DISC1: variants seen among roughly 807,000 people sequenced by gnomAD.
The protein encoded by DISC1 is disrupted in schizophrenia 1 protein.
DISC1 carries 57 observed loss-of-function variants against 84.5 expected under a neutral mutation model. That is an observed-to-expected ratio of 0.67 (90% CI 0.55 to 0.84). The LOEUF is 0.84. Among genes scored for constraint, DISC1 ranks in the 40% least tolerant of loss-of-function variants. The pLI is 0.00. For synonymous variants in DISC1, 411 were observed against 415.2 expected (o/e 0.99, Z 0.12); for missense variants, 1,000 against 1,057.8 (o/e 0.95, Z 0.76).
chr1:231,893,810 C>G (rs1247106230), intron 9 of DISC1, among the ~76,000 whole-genome samples: 1 of 152,204 alleles, frequency 6.6e-6, no homozygotes, highest in East Asian at 1.9e-4. Flanking sequence ...GACGCTTACT[C>G]TGCCTGTACT....
intron 10 of DISC1, among the ~76,000 whole-genome samples, chr1:232,003,471 A>C (rs1666966214): frequency 6.6e-6 from 1 of 152,140 alleles, no homozygotes. Context: ...TCATAAAACA[A>C]CCAATAAAAC....
intron 3 of DISC1, among the ~76,000 whole-genome samples, chr1:231,725,715 A>G (rs2070565375): frequency 6.6e-6 from 1 of 152,174 alleles, no homozygotes; most frequent in Non-Finnish European, 1.5e-5. Context: ...GATAAGCCCC[A>G]GTTTGGGGGC....
chr1:231,729,439 A>C (rs1254932970), intron 3 of DISC1, among the ~76,000 whole-genome samples: 2 of 152,218 alleles, frequency 1.3e-5, no homozygotes, highest in African/African-American at 4.8e-5. Context: ...AGTCCAGTAC[A>C]TACACAGGTT....
chr1:231,895,705 T>C (rs79790350), intron 9 of DISC1, among the ~76,000 whole-genome samples: 208 of 152,276 alleles, frequency 1.4e-3, no homozygotes, highest in African/African-American at 4.7e-3. Context: ...TTCTTCATAC[T>C]ATCTTTCCCC....
Position 231,694,422 on chromosome 1 carries a change from G to GA in DISC1, c.666dup (p.Arg223ThrfsTer14). On this transcript the variant is annotated frameshift_variant, in exon 2 of 13. Coordinates refer to ENST00000439617, the MANE Select transcript of DISC1 (RefSeq NM_018662.3). LOFTEE classifies it high-confidence loss of function. ...TCGGCTCTCGCTTGGCTCTGCCGGG[G>GA]AACGTGGAGAAGCAGAAGGCTGCCC... The GA allele has an allele frequency of 6.2e-7, 1 of 1,614,260 alleles. No homozygotes were observed. The highest frequency in any genetic ancestry group is 1.6e-4 in the Middle Eastern group (1 of 6,062).
chr1:231,938,487 G>A (rs1186818820), intron 9 of DISC1, among the ~76,000 whole-genome samples: 4 of 152,152 alleles, frequency 2.6e-5, no homozygotes, highest in Non-Finnish European at 4.4e-5. Context: ...TAGGGCCACA[G>A]GAAACTGGAT....
chr1:231,712,665 A>T (rs1019814313), intron 3 of DISC1, among the ~76,000 whole-genome samples: 2 of 152,238 alleles, frequency 1.3e-5, no homozygotes, highest in African/African-American at 4.8e-5. Flanking sequence ...GGACTAGAGA[A>T]GACCTTACTT....
chr1:231,665,805 T>C (rs1337705080), intron 1 of DISC1, among the ~76,000 whole-genome samples: 1 of 152,172 alleles, frequency 6.6e-6, no homozygotes, highest in Non-Finnish European at 1.5e-5. Context: ...AACTGTACAA[T>C]AGGTTTTCTG....
At chr1:231,720,371 G>A (rs897991640) in intron 3 of DISC1, among the ~76,000 whole-genome samples, 2 of 151,764 alleles carry the variant, frequency 1.3e-5, no homozygotes, top group African/African-American at 4.8e-5. Flanking sequence ...ACAGGGTCTC[G>A]CTTTGTTGTC....
chr1:231,653,744 C>G (rs1340444612), intron 1 of DISC1, among the ~76,000 whole-genome samples: 3 of 152,198 alleles, frequency 2.0e-5, no homozygotes, highest in Non-Finnish European at 4.4e-5. Flanking sequence ...CTTGCTTAGT[C>G]ACTGTTCAGG....
intron 9 of DISC1, among the ~76,000 whole-genome samples, chr1:231,864,547 C>G (rs965992421): frequency 1.3e-5 from 2 of 152,172 alleles, no homozygotes; most frequent in East Asian, 1.9e-4. Flanking sequence ...CCTGTAATCC[C>G]AGCTACGCAG....
chr1:231,812,751 G>A (rs35186560), intron 8 of DISC1, among the ~76,000 whole-genome samples: 2,903 of 152,188 alleles, frequency 0.019, 44 homozygotes, highest in Non-Finnish European at 0.031. Context: ...ATCTCTGATG[G>A]GACTTTCTTC....
intron 3 of DISC1, among the ~76,000 whole-genome samples, chr1:231,742,325 A>G (rs796615007): frequency 6.6e-6 from 1 of 152,184 alleles, no homozygotes; most frequent in Non-Finnish European, 1.5e-5. Flanking sequence ...CCTTATGCTA[A>G]CCAGAGGTGG....
chr1:231,682,092 A>C (rs981451264), intron 1 of DISC1, among the ~76,000 whole-genome samples: 4 of 152,100 alleles, frequency 2.6e-5, no homozygotes, highest in Admixed American at 2.6e-4. Flanking sequence ...GAGCTTATAT[A>C]CTGTTTTCAT....
intron 9 of DISC1, among the ~76,000 whole-genome samples, chr1:231,932,336 A>G (rs2090717437): frequency 6.6e-6 from 1 of 152,220 alleles, no homozygotes; most frequent in African/African-American, 2.4e-5. Flanking sequence ...TTTGTCCCAC[A>G]TTTGATATTA....
intron 4 of DISC1, among the ~76,000 whole-genome samples, chr1:231,753,669 C>T (rs1461451896): frequency 6.6e-6 from 1 of 152,208 alleles, no homozygotes; most frequent in African/African-American, 2.4e-5. Context: ...TTGAATTCCT[C>T]CCTCGAAAAT....
chr1:231,958,705 A>G (rs1337525443), intron 9 of DISC1, 123 bp from the exon 10 acceptor site: 2 of 1,000,386 alleles, frequency 2.0e-6, no homozygotes, highest in Non-Finnish European at 3.0e-6. Flanking sequence ...TTTTCCAAAC[A>G]TAGAATGTTA....
chr1:231,712,317 C>T (rs1336001180), intron 3 of DISC1, among the ~76,000 whole-genome samples: 1 of 152,136 alleles, frequency 6.6e-6, no homozygotes, highest in Non-Finnish European at 1.5e-5. Flanking sequence ...GCAGCCACAT[C>T]CAATTTATAT....
Position 231,972,471 on chromosome 1 carries a change from C to T in DISC1, c.2042+13583C>T, listed in dbSNP as rs534148192. Among the ~76,000 whole-genome samples the T allele has an allele frequency of 2.0e-4, 31 of 152,232 alleles. No homozygotes were observed. The South Asian group carries it at 6.4e-3, about 32-fold the overall frequency. ...ATGAATATGGCCCCATCTTTGTTTC[C>T]CAGGTGGTGAGTGTTTAGGGCATTA... On this transcript the variant is annotated intron_variant, in intron 10 of 12. Transcript: ENST00000439617.
Sources: gnomAD v4.1 joint callset for allele counts (sites outside exome capture counted in the v4.1 genomes callset) on GRCh38, gnomAD v4.1.1 for gene constraint, MANE v1.5 for transcripts, NCBI Gene and HGNC (gene_info 2026-07-23, HGNC 2026-07-21) for gene names.